CLCN3: variants seen among roughly 807,000 people sequenced by gnomAD.
CLCN3 encodes the protein H(+)/Cl(-) exchange transporter 3.
In CLCN3, 16 loss-of-function variants were observed where a neutral mutation model predicts 83.4. The ratio of observed to expected loss-of-function variants is 0.19; its 90% CI spans 0.13 to 0.29. CLCN3 has a LOEUF of 0.29. Among genes scored for constraint, CLCN3 ranks in the 10% least tolerant of loss-of-function variants. The pLI is 1.00. For missense variants in CLCN3, 544 were observed against 1,006.0 expected (o/e 0.54, Z 6.21); for synonymous variants, 322 against 346.2 (o/e 0.93, Z 0.78).
intron 1 of CLCN3, among the ~76,000 whole-genome samples, chr4:169,635,229 T>A (rs1362283231): frequency 1.3e-5 from 2 of 152,174 alleles, no homozygotes; most frequent in Non-Finnish European, 2.9e-5. Flanking sequence ...AAAAGTCTAT[T>A]ACTAATGTCC....
intron 2 of CLCN3, chr4:169,660,315 T>G: frequency 7.3e-7 from 1 of 1,365,252 alleles, no homozygotes; most frequent in Non-Finnish European, 9.4e-7. Context: ...ACTTTCTTTT[T>G]AAGCTAGCAA....
At chr4:169,682,037 A>G (rs1036865558) in intron 3 of CLCN3, among the ~76,000 whole-genome samples, 1 of 152,194 alleles carries the variant, frequency 6.6e-6, no homozygotes, top group African/African-American at 2.4e-5. Flanking sequence ...CTAAAGTGAC[A>G]GTTGTTAGTT....
At chr4:169,652,687 T>C (rs1730763353) in intron 2 of CLCN3, among the ~76,000 whole-genome samples, 1 of 152,182 alleles carries the variant, frequency 6.6e-6, no homozygotes, top group African/African-American at 2.4e-5. Flanking sequence ...ATAGGTCATG[T>C]TTTCCCCAGT....
At chr4:169,627,926 C>G (rs1430495088) in intron 1 of CLCN3, among the ~76,000 whole-genome samples, 1 of 152,170 alleles carries the variant, frequency 6.6e-6, no homozygotes, top group East Asian at 1.9e-4. Flanking sequence ...GTAATCAAGA[C>G]TGTGTGGTAT....
intron 11 of CLCN3, among the ~76,000 whole-genome samples, chr4:169,707,951 TAG>T (rs1177638583): frequency 6.6e-6 from 1 of 152,248 alleles, no homozygotes; most frequent in Non-Finnish European, 1.5e-5. Flanking sequence ...CTTTACCTTA[TAG>T]TCCCGCAGTA....
In CLCN3 at chr4:169,720,179, T is replaced by C. The variant is rs917436693; in HGVS notation, c.*182T>C. 9 of 838,070 alleles carry C rather than the reference T, an allele frequency of 1.1e-5. No individual in the cohort carries two copies. The highest frequency in any genetic ancestry group is 1.3e-5 in the Non-Finnish European group (7 of 532,914). 51.9% of individuals were successfully genotyped at this position (838,070 alleles called of 1,614,324 possible). ...AATGCTGGTGGAATGGAGGAGTTGT[T>C]TGGGGAGGGAAAGGAGAGAGAAGGA... On this transcript the variant is annotated 3_prime_UTR_variant, in exon 13 of 13. Transcript: ENST00000513761.
rs1731461529 is a variant in CLCN3, at chr4:169,671,620, G to A, written c.161-8430G>A. Among the ~76,000 whole-genome samples the A allele has an allele frequency of 2.0e-5, 3 of 152,090 alleles. No homozygotes were observed. In the South Asian group the frequency reaches 6.2e-4, roughly 32 times the overall value. On this transcript the variant is annotated intron_variant, in intron 2 of 12. Transcript: ENST00000513761. Reference sequence around the variant, plus strand: ...CCCAGAACTTAAATTTAAAAAAAAAGAATTTTTCTCCTCTGTGGGTTTCAG... The same window carrying A: ...CCCAGAACTTAAATTTAAAAAAAAAAAATTTTTCTCCTCTGTGGGTTTCAG...
intron 1 of CLCN3, among the ~76,000 whole-genome samples, chr4:169,633,447 T>C (rs778974617): frequency 6.6e-6 from 1 of 152,256 alleles, no homozygotes; most frequent in Non-Finnish European, 1.5e-5. Flanking sequence ...TTTTTAAATA[T>C]GTAAAATTTC....
At chr4:169,647,634 T>C (rs1332824126) in intron 2 of CLCN3, among the ~76,000 whole-genome samples, 3 of 152,116 alleles carry the variant, frequency 2.0e-5, no homozygotes, top group African/African-American at 7.2e-5. Context: ...AAAAATAATG[T>C]AGCATGAATT....
chr4:169,673,565 C>CTT (rs371372030), intron 2 of CLCN3, among the ~76,000 whole-genome samples: 1 of 144,982 alleles, frequency 6.9e-6, no homozygotes, highest in Non-Finnish European at 1.5e-5. Context: ...AGAAATTTCA[C>CTT]TTTTTTTTTT....
In CLCN3 at chr4:169,719,960, C is replaced by G; in HGVS notation, c.2420C>G (p.Thr807Arg). The change falls in exon 13 of 13, where the codon ACG becomes AGG. Residue 807 changes from threonine to arginine, a missense_variant. This residue lies in a region of CLCN3 where 142 missense variants were observed against 225.0 expected (regional missense o/e 0.63). Coordinates refer to ENST00000513761, the MANE Select transcript of CLCN3 (RefSeq NM_001829.4). ...KKDILRHMAQ[T>R]ANQDPASIMF... ...GATATCCTCCGGCATATGGCCCAGA[C>G]GGCAAACCAAGACCCCGCTTCAATA... 6.2e-7 allele frequency: 1 copy of G among 1,613,934 alleles called. No homozygotes were observed. The highest frequency in any genetic ancestry group is 8.5e-7 in the Non-Finnish European group (1 of 1,179,860).
intron 1 of CLCN3, among the ~76,000 whole-genome samples, chr4:169,627,112 T>C (rs1241479975): frequency 2.0e-5 from 3 of 152,196 alleles, no homozygotes; most frequent in Non-Finnish European, 4.4e-5. Context: ...TGTGTATAGA[T>C]GAGTATGTAA....
At chr4:169,679,873 T>TGGAAGGC (rs1731864092) in intron 2 of CLCN3, among the ~76,000 whole-genome samples, 177 bp from the exon 3 acceptor site, 1 of 121,128 alleles carries the variant, frequency 8.3e-6, no homozygotes, top group African/African-American at 2.8e-5. Flanking sequence ...AGGGAGACCG[T>TGGAAGGC]GGAAGGCGGG....
At chr4:169,693,854 T>G (rs1245092643) in intron 7 of CLCN3, among the ~76,000 whole-genome samples, 1 of 152,346 alleles carries the variant, frequency 6.6e-6, no homozygotes, top group East Asian at 1.9e-4. Context: ...TTTAATACGT[T>G]GTTATTCTGT....
chr4:169,719,841 A>G (rs1733565238), intron 12 of CLCN3, 66 bp from the exon 13 acceptor site: 3 of 1,314,206 alleles, frequency 2.3e-6, no homozygotes, highest in East Asian at 2.3e-5. Context: ...GGATTTAGCT[A>G]TAGATTTAGC....
chr4:169,679,152 G>C (rs2150237229), intron 2 of CLCN3, among the ~76,000 whole-genome samples: 1 of 151,752 alleles, frequency 6.6e-6, no homozygotes, highest in African/African-American at 2.4e-5. Context: ...CGGCTGGGCA[G>C]AGGTGCTCCT....
chr4:169,676,673 T>C (rs1203940663), intron 2 of CLCN3, among the ~76,000 whole-genome samples: 1 of 149,930 alleles, frequency 6.7e-6, no homozygotes, highest in East Asian at 2.0e-4. Flanking sequence ...TTTTTTTGTA[T>C]TTTTAGTAGA....
At chr4:169,622,869 A>C (rs754721896) in intron 1 of CLCN3, among the ~76,000 whole-genome samples, 2 of 152,258 alleles carry the variant, frequency 1.3e-5, no homozygotes, top group Non-Finnish European at 2.9e-5. Context: ...TTATAAAAGC[A>C]ATGTAAAATT....
chr4:169,642,392 A>G (rs542679009), intron 2 of CLCN3, among the ~76,000 whole-genome samples: 2 of 152,330 alleles, frequency 1.3e-5, no homozygotes, highest in South Asian at 4.1e-4. Flanking sequence ...ATTAAGATAA[A>G]TCTCCGGTGA....
Sources: gnomAD v4.1 joint callset for allele counts (sites outside exome capture counted in the v4.1 genomes callset) on GRCh38, gnomAD v4.1.1 for gene constraint, gnomAD v4.1.1 regional missense constraint, MANE v1.5 for transcripts, NCBI Gene and HGNC (gene_info 2026-07-23, HGNC 2026-07-21) for gene names.